Variants in GRIP1 observed in about 807,000 individuals in gnomAD.
GRIP1 encodes the protein glutamate receptor-interacting protein 1.
In GRIP1, 45 loss-of-function variants were observed where a neutral mutation model predicts 129.9. That is an observed-to-expected ratio of 0.35 (90% confidence interval 0.27 to 0.44). The LOEUF is 0.44. GRIP1 is among the 20% of genes least tolerant of loss of function. The pLI is 1.00. For missense variants in GRIP1, 1,196 were observed against 1,396.8 expected, an observed-to-expected ratio of 0.86 and a Z score of 2.29; for synonymous variants, 530 against 520.8, an observed-to-expected ratio of 1.02 and a Z score of -0.24.
intron 1 of GRIP1, among the ~76,000 whole-genome samples, chr12:66,609,833 T>C (rs2064711670): frequency 6.6e-6 from 1 of 152,172 alleles, no homozygotes; most frequent in Non-Finnish European, 1.5e-5. Context: ...AACCATTCCT[T>C]CCATCACTGT....
chr12:66,608,958 ATAT>A (rs2064670336), intron 1 of GRIP1, among the ~76,000 whole-genome samples: 1 of 111,792 alleles, frequency 8.9e-6, no homozygotes, highest in African/African-American at 2.9e-5. Context: ...TATTATTATT[ATAT>A]TATATATATA....
At chr12:66,928,151 G>T (rs2041327174) in intron 1 of GRIP1, among the ~76,000 whole-genome samples, 1 of 152,152 alleles carries the variant, frequency 6.6e-6, no homozygotes, top group South Asian at 2.1e-4. Flanking sequence ...TTTTAGTGGT[G>T]TTTTCTCTTA....
intron 1 of GRIP1, among the ~76,000 whole-genome samples, chr12:67,030,867 A>C (rs566124511): frequency 6.6e-6 from 1 of 152,116 alleles, no homozygotes; most frequent in Non-Finnish European, 1.5e-5. Context: ...GGACAGCAAC[A>C]AAGTTAGTTA....
Position 66,815,820 on chromosome 12 carries a change from A to ATTTCTTTCTTTCTTTCTTTCTTTC in GRIP1, c.59-218917_59-218894dup, listed in dbSNP as rs1002005391. On this transcript the variant is annotated intron_variant, in intron 1 of 1. Transcript: ENST00000643019. The stretch of plus-strand genomic sequence containing the variant: ...GGGAGTGGCTTAAACAAGATGAAAG[A>ATTTCTTTCTTTCTTTCTTTCTTTC]TTTCTTTCTTTCTTTCTTTCTTTCT... Among the ~76,000 whole-genome samples the ATTTCTTTCTTTCTTTCTTTCTTTC allele has an allele frequency of 6.7e-3, 792 of 118,348 alleles. 34 individuals carry two copies. The highest frequency in any genetic ancestry group is 0.024 in the African/African-American group (648 of 26,666). 77.6% of individuals were successfully genotyped at this position (118,348 alleles called of 152,430 possible).
intron 7 of GRIP1, among the ~76,000 whole-genome samples, chr12:66,489,349 G>T (rs879659181): frequency 1.3e-5 from 2 of 152,182 alleles, no homozygotes; most frequent in Admixed American, 6.5e-5. Context: ...GTGATTCATC[G>T]CATAAGCAGC....
intron 1 of GRIP1, among the ~76,000 whole-genome samples, chr12:66,696,591 T>C (rs961724554): frequency 2.0e-5 from 3 of 151,360 alleles, no homozygotes; most frequent in Non-Finnish European, 4.4e-5. Flanking sequence ...TCGAGACCAT[T>C]CTGGCCAACA....
intron 1 of GRIP1, among the ~76,000 whole-genome samples, chr12:66,726,567 T>TG (rs2036260049): frequency 6.6e-6 from 1 of 152,330 alleles, no homozygotes; most frequent in Admixed American, 6.5e-5. Context: ...GATTGTGATC[T>TG]GGGGGCATGA....
At chr12:66,580,443 A>G (rs1315421721) in intron 2 of GRIP1, among the ~76,000 whole-genome samples, 1 of 152,196 alleles carries the variant, frequency 6.6e-6, no homozygotes, top group Non-Finnish European at 1.5e-5. Flanking sequence ...AAATGCTCCA[A>G]TTAAAAGACA....
chr12:66,806,648 T>C (rs1208989522), upstream of GRIP1, among the ~76,000 whole-genome samples: 3 of 152,014 alleles, frequency 2.0e-5, no homozygotes, highest in Non-Finnish European at 2.9e-5. Flanking sequence ...TCACTAGAGT[T>C]TGATTTTTTA....
intron 7 of GRIP1, among the ~76,000 whole-genome samples, chr12:66,479,228 A>G (rs2059725383): frequency 6.6e-6 from 1 of 151,998 alleles, no homozygotes; most frequent in Admixed American, 6.6e-5. Flanking sequence ...AAAAAATGAT[A>G]AAGGGGATAT....
At chr12:66,608,593 A>C (rs965628540) in intron 1 of GRIP1, among the ~76,000 whole-genome samples, 2 of 152,162 alleles carry the variant, frequency 1.3e-5, no homozygotes, top group African/African-American at 4.8e-5. Flanking sequence ...CAACCTCCCA[A>C]AGTGCTGGGA....
chr12:66,664,686 T>C (rs534657114), intron 1 of GRIP1, among the ~76,000 whole-genome samples: 1 of 152,208 alleles, frequency 6.6e-6, no homozygotes, highest in African/African-American at 2.4e-5. Context: ...ACCTTAATAA[T>C]TGTGGTGAAG....
At chr12:67,001,755 C>T (rs1484309663) in intron 1 of GRIP1, among the ~76,000 whole-genome samples, 1 of 152,138 alleles carries the variant, frequency 6.6e-6, no homozygotes, top group African/African-American at 2.4e-5. Flanking sequence ...TCACCTGCAT[C>T]CCACTGTACC....
At chr12:66,833,612 C>T (rs1044211159) in intron 1 of GRIP1, among the ~76,000 whole-genome samples, 1 of 152,160 alleles carries the variant, frequency 6.6e-6, no homozygotes, top group Non-Finnish European at 1.5e-5. Context: ...AGACTTGTAC[C>T]CCTTCCCCAC....
intron 1 of GRIP1, among the ~76,000 whole-genome samples, chr12:67,035,015 T>C (rs2043074848): frequency 6.6e-6 from 1 of 152,234 alleles, no homozygotes; most frequent in Admixed American, 6.5e-5. Context: ...ACTTTCCATG[T>C]GATAACAACA....
chr12:66,390,001 C>T lies in GRIP1; in HGVS notation c.2464+2307G>A, dbSNP rs114244876. ...GGCTGTCAGGAGAAGAGGCTTTAGT[C>T]TAGTGCAGAATGACCTTGAGGGTAT... is the stretch of plus-strand genomic sequence containing the variant. On this transcript the variant is annotated intron_variant, in intron 19 of 24. Transcript: ENST00000359742. Among the ~76,000 whole-genome samples, 1,216 of 152,286 alleles carry T rather than the reference C, an allele frequency of 8.0e-3. 17 individuals are homozygous for T. The highest frequency in any genetic ancestry group is 0.028 in the African/African-American group (1,170 of 41,562).
At chr12:66,775,373 A>G (rs1039618150) in intron 1 of GRIP1, among the ~76,000 whole-genome samples, 2 of 152,212 alleles carry the variant, frequency 1.3e-5, no homozygotes, top group Non-Finnish European at 2.9e-5. Context: ...GGCATCTTTG[A>G]CAACACAGTA....
chr12:66,536,318 T>C (rs1592507825), intron 4 of GRIP1, among the ~76,000 whole-genome samples: 2 of 152,112 alleles, frequency 1.3e-5, no homozygotes, highest in South Asian at 4.1e-4. Flanking sequence ...CCAAACCATA[T>C]AGTGACTTCC....
intron 5 of GRIP1, among the ~76,000 whole-genome samples, chr12:66,528,292 G>A (rs537477832): frequency 2.6e-5 from 4 of 151,910 alleles, no homozygotes; most frequent in African/African-American, 9.7e-5. Flanking sequence ...CTGCCACCAC[G>A]CCCGGCTAAT....
Sources: allele counts gnomAD v4.1 joint callset (sites outside exome capture counted in the v4.1 genomes callset), GRCh38; gene constraint gnomAD v4.1.1; transcripts MANE v1.5; gene names NCBI Gene and HGNC (gene_info 2026-07-23, HGNC 2026-07-21).